Variants in PCDH15 observed in about 807,000 individuals in gnomAD.
PCDH15 encodes the protein protocadherin-15.
A neutral mutation model predicts 178.5 loss-of-function variants in PCDH15; 129 were observed. The observed-to-expected ratio is 0.72, with a 90% CI of 0.63 to 0.84. The LOEUF is 0.84. Among genes scored for constraint, PCDH15 ranks in the 40% least tolerant of loss-of-function variants. The pLI is 0.00. For missense variants in PCDH15, 2,230 were observed against 2,099.9 expected (o/e 1.06, Z -1.21); for synonymous variants, 800 against 732.0 (o/e 1.09, Z -1.50).
At chr10:55,095,283 T>C (rs919540203) in intron 2 of PCDH15, among the ~76,000 whole-genome samples, 1 of 151,944 alleles carries the variant, frequency 6.6e-6, no homozygotes, top group African/African-American at 2.4e-5. Context: ...TATTATGATG[T>C]CACCTTAATA....
chr10:54,940,208 G>T (rs1249628223), intron 2 of PCDH15, among the ~76,000 whole-genome samples: 1 of 151,990 alleles, frequency 6.6e-6, no homozygotes, highest in African/African-American at 2.4e-5. Flanking sequence ...GGGTTTCACT[G>T]TATCGTATAA....
chr10:55,203,684 A>T (rs1169567915), intron 1 of PCDH15, among the ~76,000 whole-genome samples: 1 of 152,096 alleles, frequency 6.6e-6, no homozygotes, highest in Non-Finnish European at 1.5e-5. Flanking sequence ...CATTAAATAG[A>T]GATAAATATT....
At chr10:54,459,978 T>G (rs1261068432) in intron 3 of PCDH15, among the ~76,000 whole-genome samples, 1 of 152,144 alleles carries the variant, frequency 6.6e-6, no homozygotes, top group Non-Finnish European at 1.5e-5. Flanking sequence ...TTACTTTAAA[T>G]GTATATTATA....
chr10:53,922,454 A>C (rs899160240), intron 25 of PCDH15, among the ~76,000 whole-genome samples: 1 of 152,170 alleles, frequency 6.6e-6, no homozygotes, highest in Non-Finnish European at 1.5e-5. Context: ...AGGTTAGAGA[A>C]GTTTGTAAAG....
intron 2 of PCDH15, among the ~76,000 whole-genome samples, chr10:54,625,749 T>G (rs537428316): frequency 6.6e-6 from 1 of 152,046 alleles, no homozygotes; most frequent in Non-Finnish European, 1.5e-5. Context: ...ATACAGTAAA[T>G]TGGTACCAGT....
chr10:53,986,390 G>A (rs1178150722), intron 21 of PCDH15, among the ~76,000 whole-genome samples: 1 of 152,136 alleles, frequency 6.6e-6, no homozygotes, highest in African/African-American at 2.4e-5. Flanking sequence ...AAATGGCACT[G>A]TCAATATGAG....
chr10:54,853,632 GA>G (rs930548585), intron 3 of PCDH15, among the ~76,000 whole-genome samples: 10 of 142,094 alleles, frequency 7.0e-5, no homozygotes, highest in Middle Eastern at 3.7e-3. Context: ...AAAAGCTCTG[GA>G]AAAAAAAAGA....
chr10:54,369,245 G>A lies in PCDH15; in HGVS notation c.349C>T (p.Gln117Ter). 1 of 1,612,622 alleles carries A rather than the reference G, an allele frequency of 6.2e-7. No individual in the cohort carries two copies. The highest frequency in any genetic ancestry group is 8.5e-7 in the Non-Finnish European group (1 of 1,179,202). Residue 117 changes from glutamine (Q) to a stop codon, truncating the protein, a stop_gained, in exon 5 of 38, where the codon CAG becomes TAG. Coordinates refer to ENST00000644397, the MANE Select transcript of PCDH15 (RefSeq NM_001384140.1). LOFTEE classifies it high-confidence loss of function. Reference protein sequence around the residue: ...PPMNIHSIVVQVQCINKKVGT... With the variant: ...PPMNIHSIVV ...ACTTTTTTGTTGATGCACTGGACCT[G>A]CACCACAATGGAGTGTATGTTCATC...
intron 2 of PCDH15, among the ~76,000 whole-genome samples, chr10:55,345,834 G>A (rs1031906905): frequency 6.6e-6 from 1 of 151,824 alleles, no homozygotes; most frequent in Non-Finnish European, 1.5e-5. Flanking sequence ...ATATATGTAA[G>A]TCAAAGAAAT....
chr10:54,959,744 C>A (rs1229309017), intron 2 of PCDH15, among the ~76,000 whole-genome samples: 1 of 151,858 alleles, frequency 6.6e-6, no homozygotes, highest in African/African-American at 2.4e-5. Context: ...GTGGAAGACA[C>A]AAAGAGGAAA....
At chr10:54,172,155 G>A (rs2046978364) in intron 13 of PCDH15, among the ~76,000 whole-genome samples, 1 of 152,102 alleles carries the variant, frequency 6.6e-6, no homozygotes, top group South Asian at 2.1e-4. Flanking sequence ...CAAAAGAAGT[G>A]AATATGCCCT....
At position 54,925,494 on chromosome 10, in the gene PCDH15, A is replaced by T. The variant is rs1591787519; in HGVS notation, c.-79-27994T>A. 2.0e-5 allele frequency among the ~76,000 whole-genome samples: 3 copies of T among 152,208 alleles called. No individual in the cohort carries two copies. In the South Asian group the frequency reaches 6.2e-4, roughly 32 times the overall value. Reference sequence around the variant, plus strand: ...TAGTTCTTTGAGGAATGTCATTGGTATTTCCATAGGAATAGCATTGCATTT... The same window carrying T: ...TAGTTCTTTGAGGAATGTCATTGGTTTTTCCATAGGAATAGCATTGCATTT... On this transcript the variant is annotated intron_variant, in intron 2 of 5. Coordinates refer to the PCDH15 transcript ENST00000458638.
At chr10:54,404,224 G>A (rs111252471) in intron 3 of PCDH15, among the ~76,000 whole-genome samples, 3,980 of 151,816 alleles carry the variant, frequency 0.026, 167 homozygotes, top group African/African-American at 0.089. Context: ...GCATTCCTAA[G>A]CAAAAAATAC....
At chr10:54,981,143 T>C (rs1166173397) in intron 2 of PCDH15, among the ~76,000 whole-genome samples, 1 of 152,128 alleles carries the variant, frequency 6.6e-6, no homozygotes, top group Admixed American at 6.6e-5. Flanking sequence ...AAAGGAATGC[T>C]GCAACAAACA....
At chr10:54,575,659 AT>A (rs2090396236) in intron 2 of PCDH15, among the ~76,000 whole-genome samples, 1 of 40,280 alleles carries the variant, frequency 2.5e-5, no homozygotes, top group African/African-American at 6.3e-5. Context: ...AGGTAGATAT[AT>A]TGAAAATTCC....
intron 2 of PCDH15, among the ~76,000 whole-genome samples, chr10:55,386,991 G>A (rs889009174): frequency 2.6e-5 from 4 of 152,046 alleles, no homozygotes; most frequent in Non-Finnish European, 5.9e-5. Context: ...AGGAAATCGT[G>A]AGAAACTATT....
chr10:54,202,408 C>T (rs1962905), intron 10 of PCDH15, among the ~76,000 whole-genome samples: 137,638 of 152,056 alleles, frequency 0.91, 62,495 homozygotes, highest in East Asian at 0.98. Flanking sequence ...TGGCATTCTC[C>T]TTTCACCAGA....
At chr10:54,146,957 T>C (rs2044017742) in intron 14 of PCDH15, among the ~76,000 whole-genome samples, 1 of 140,206 alleles carries the variant, frequency 7.1e-6, no homozygotes, top group African/African-American at 2.7e-5. Flanking sequence ...AGTGTATATA[T>C]ATATAATGTA....
intron 3 of PCDH15, among the ~76,000 whole-genome samples, chr10:54,467,784 A>T (rs1319492321): frequency 6.6e-6 from 1 of 151,720 alleles, no homozygotes; most frequent in Non-Finnish European, 1.5e-5. Context: ...TTGTCAGTGA[A>T]GCAATCCAGT....
Sources: gnomAD v4.1 joint callset for allele counts (sites outside exome capture counted in the v4.1 genomes callset) on GRCh38, gnomAD v4.1.1 for gene constraint, MANE v1.5 for transcripts, NCBI Gene and HGNC (gene_info 2026-07-23, HGNC 2026-07-21) for gene names.